Variants in DKC1 observed in about 807,000 individuals in gnomAD.
The protein encoded by DKC1 is dyskerin pseudouridine synthase 1, also known as H/ACA ribonucleoprotein complex subunit DKC1.
In DKC1, 4 loss-of-function variants were observed where a neutral mutation model predicts 46.7. That is an observed-to-expected ratio of 0.09 (90% CI 0.04 to 0.20). The LOEUF is 0.20. Among genes scored for constraint, DKC1 ranks in the 10% least tolerant of loss-of-function variants. The probability of loss-of-function intolerance (pLI) is 1.00; values close to 1 mark genes in which losing one functional copy is unlikely to be tolerated. For missense variants in DKC1, 171 were observed against 404.2 expected (o/e 0.42, Z 4.95); for synonymous variants, 141 against 142.4 (o/e 0.99, Z 0.07).
At chrX:154,764,987 C>T (rs1557263996) in intron 2 of DKC1, 21 bp downstream of exon 2, 2 of 1,146,736 alleles carry the variant, frequency 1.7e-6, no homozygotes, top group Non-Finnish European at 2.4e-6. Context: ...ATGTGTTTGA[C>T]TTCACTTTGA....
intron 1 of DKC1, among the ~76,000 whole-genome samples, chrX:154,764,592 A>AT (rs1417975755): frequency 9.0e-6 from 1 of 111,065 alleles, no homozygotes; most frequent in East Asian, 2.8e-4. Flanking sequence ...AAATTTTTTA[A>AT]TTTTTTTCTT....
At chrX:154,775,531 A>G (rs1557265602) in intron 13 of DKC1, among the ~76,000 whole-genome samples, 1 of 111,955 alleles carries the variant, frequency 8.9e-6, no homozygotes, top group African/African-American at 3.2e-5. Context: ...CTCGACTCCT[A>G]CCTCAGCTAT....
chrX:154,765,525 C>T lies in DKC1; in HGVS notation c.166C>T (p.Leu56=), dbSNP rs2071734116. Residue 56 remains leucine (L), a synonymous_variant, in exon 3 of 15, where the codon CTA becomes TTA. Transcript: ENST00000369550. Reference sequence around the variant, plus strand: ...GGACACGTCTCAGTGGCCCCTTTTGCTAAAGGTATGTGGTTAAAATCGTGC... The same window carrying T: ...GGACACGTCTCAGTGGCCCCTTTTGTTAAAGGTATGTGGTTAAAATCGTGC... ...KLDTSQWPLL[L]KNFDKLNVRT... is the part of the protein sequence containing the mutation. 8.4e-7 allele frequency: 1 copy of T among 1,189,964 alleles called. No individual in the cohort carries two copies. Among genetic ancestry groups the T allele is most frequent in the Non-Finnish European group, 1.1e-6 (1 of 875,473 alleles).
intron 11 of DKC1, among the ~76,000 whole-genome samples, chrX:154,773,737 A>C (rs1426508843): frequency 1.8e-5 from 2 of 112,072 alleles, no homozygotes; most frequent in African/African-American, 6.5e-5. Flanking sequence ...CGATTTCTCA[A>C]TCTTTTCCCC....
intron 10 of DKC1, 136 bp from the exon 11 acceptor site, chrX:154,772,995 C>A (rs1348745329): frequency 2.3e-5 from 11 of 472,632 alleles, no homozygotes; most frequent in Non-Finnish European, 4.2e-5. Flanking sequence ...ACATCCTGAG[C>A]AAAGGTAACC....
At chrX:154,771,071 T>TATC (rs2071817591) in intron 10 of DKC1, among the ~76,000 whole-genome samples, 192 bp downstream of exon 10, 1 of 111,489 alleles carries the variant, frequency 9.0e-6, no homozygotes, top group African/African-American at 3.3e-5. Flanking sequence ...GTTAGTTATT[T>TATC]ATCACCTTAG....
rs1468249187 is a variant in DKC1, at chrX:154,777,441, A to C, written c.*574A>C. The C allele has an allele frequency of 8.8e-6, 1 of 113,404 alleles. No individual in the cohort carries two copies. Among genetic ancestry groups the C allele is most frequent in the Non-Finnish European group, 1.8e-5 (1 of 54,189 alleles). The allele number at this position is 113,404 out of a possible 1,213,427, so 9.3% of individuals were successfully genotyped here. A position where few individuals can be genotyped will look rare whatever the true frequency, so the allele number is the denominator to read the frequency against. ...TTGCACTTCCTCAAAGCTTGTGTAC[A>C]GTGCTCACCTAAATCCATCTGACTA... On this transcript the variant is annotated 3_prime_UTR_variant, in exon 15 of 15. Transcript: ENST00000369550.
Position 154,770,467 on chromosome X carries a change from TAAAAAAAAAAAA to T in DKC1, c.916-281_916-270del, listed in dbSNP as rs150045442. ...ACAGAGGGAGGTTCTGCCTGAAAAT[TAAAAAAAAAAAA>T]AAAAAAAAAAGAAAATACTTGTGAG... On this transcript the variant is annotated intron_variant, in intron 9 of 14. Transcript: ENST00000369550. Among the ~76,000 whole-genome samples the T allele has an allele frequency of 7.4e-5, 5 of 67,767 alleles. No homozygotes were observed. The Admixed American group carries it at 9.7e-4, about 13-fold the overall frequency. 58.8% of individuals were successfully genotyped at this position (67,767 alleles called of 115,157 possible). A position where few individuals can be genotyped will look rare whatever the true frequency, so the allele number is the denominator to read the frequency against.
chrX:154,773,835 TG>T (rs2071857668), intron 11 of DKC1, among the ~76,000 whole-genome samples: 1 of 109,169 alleles, frequency 9.2e-6, no homozygotes, highest in Admixed American at 9.5e-5. Context: ...CCAGACGGGG[TG>T]GCGGCCGGGC....
chrX:154,767,669 A>C (rs1362022698), intron 7 of DKC1, among the ~76,000 whole-genome samples: 1 of 111,450 alleles, frequency 9.0e-6, no homozygotes, highest in African/African-American at 3.3e-5. Flanking sequence ...TGTTTTCACC[A>C]AAGTATGTTT....
At chrX:154,767,438 T>C (rs1557264312) in intron 7 of DKC1, 56 bp downstream of exon 7, 2 of 1,183,628 alleles carry the variant, frequency 1.7e-6, no homozygotes, top group African/African-American at 3.5e-5. Context: ...TTCTGTTCTC[T>C]TATTAAAAGT....
chrX:154,769,423 G>T, intron 9 of DKC1, 113 bp downstream of exon 9: 1 of 876,746 alleles, frequency 1.1e-6, no homozygotes, highest in Non-Finnish European at 1.6e-6. Flanking sequence ...TCCAAACCAA[G>T]TATATTAATT....
At chrX:154,771,791 G>A (rs1051386587) in intron 10 of DKC1, among the ~76,000 whole-genome samples, 3 of 111,665 alleles carry the variant, frequency 2.7e-5, no homozygotes, top group Non-Finnish European at 5.6e-5. Flanking sequence ...TTTATCTGTC[G>A]ATGGGCACTT....
In DKC1 at chrX:154,767,321, G is replaced by T. The variant is rs2071758684; in HGVS notation, c.579G>T (p.Gln193His). The T allele has an allele frequency of 8.3e-7, 1 of 1,209,813 alleles. No homozygotes were observed. Among genetic ancestry groups the T allele is most frequent in the Admixed American group, 2.2e-5 (1 of 45,774 alleles). ...RPPLIAAVKR[Q>H]LRVRTIYESK... is the part of the protein sequence containing the mutation. ...CACTTATTGCTGCAGTAAAGAGGCA[G>T]CTCCGAGTGAGGACCATCTACGAGA... The change falls in exon 7 of 15, where the codon CAG becomes CAT. Residue 193 changes from glutamine (Q) to histidine (H), a missense_variant. Coordinates refer to ENST00000369550, the MANE Select transcript of DKC1 (RefSeq NM_001363.5).
Position 154,766,978 on chromosome X carries a change from C to T in DKC1, c.449-19C>T. 3.3e-6 allele frequency: 4 copies of T among 1,208,262 alleles called. No homozygotes were observed. Among genetic ancestry groups the T allele is most frequent in the East Asian group, 3.0e-5 (1 of 33,861 alleles). ...AAAACTCAGTGGCCACACCTGACTA[C>T]TCTTTTGTCATTTTTCAGGCAAAGA... On this transcript the variant is annotated intron_variant, in intron 5 of 14. Transcript: ENST00000369550.
In DKC1 at chrX:154,770,883, A is replaced by G; in HGVS notation, c.1036+4A>G. 1 of 1,210,311 alleles carries G rather than the reference A, an allele frequency of 8.3e-7. No individual in the cohort carries two copies. On this transcript the variant is annotated splice_donor_region_variant and intron_variant, in intron 10 of 14. Transcript: ENST00000369550. ...AAAGGAGAAGCAATCTGCATGGGTA[A>G]GAGGGGATGTTTATTTTTTAAATTC...
intron 8 of DKC1, chrX:154,768,781 C>T (rs943335814): frequency 4.7e-5 from 14 of 297,010 alleles, no homozygotes; most frequent in Admixed American, 1.3e-4. Context: ...GTCAGGAGAT[C>T]GAGACCATCC....
intron 13 of DKC1, 101 bp from the exon 14 acceptor site, chrX:154,776,086 G>T: frequency 3.8e-6 from 4 of 1,047,412 alleles, no homozygotes; most frequent in Non-Finnish European, 5.4e-6. Flanking sequence ...GTTAGATTCA[G>T]TTGGGATCTT....
intron 4 of DKC1, 80 bp downstream of exon 4, chrX:154,766,078 G>A (rs781819218): frequency 9.0e-6 from 9 of 999,419 alleles, no homozygotes; most frequent in Non-Finnish European, 1.1e-5. Context: ...GAAGGCAGTG[G>A]CATGCCAGAA....
Sources: allele counts gnomAD v4.1 joint callset (sites outside exome capture counted in the v4.1 genomes callset), GRCh38; gene constraint gnomAD v4.1.1; transcripts MANE v1.5; gene names NCBI Gene and HGNC (gene_info 2026-07-23, HGNC 2026-07-21).